AGPAT5: variants seen among roughly 807,000 people sequenced by gnomAD.
The protein encoded by AGPAT5 is 1-acyl-sn-glycerol-3-phosphate acyltransferase epsilon.
AGPAT5 carries 46 observed loss-of-function variants against 45.6 expected under a neutral mutation model. That is an observed-to-expected ratio of 1.01 (90% CI 0.80 to 1.29). The LOEUF (loss-of-function observed/expected upper bound fraction) is 1.29, where lower values mean the gene tolerates loss of function less well. Among genes scored for constraint, AGPAT5 ranks in the 50% most tolerant of loss-of-function variants. The probability of loss-of-function intolerance (pLI) is 0.00; values close to 1 mark genes in which losing one functional copy is unlikely to be tolerated. For synonymous variants in AGPAT5, 272 were observed against 167.0 expected (o/e 1.63, Z -4.85); for missense variants, 673 against 450.7 (o/e 1.49, Z -4.47).
chr8:6,750,524 A>G (rs1801623723), intron 6 of AGPAT5, among the ~76,000 whole-genome samples: 1 of 152,190 alleles, frequency 6.6e-6, no homozygotes, highest in Admixed American at 6.5e-5. Flanking sequence ...TAAAATCAAG[A>G]CTGAAAGACA....
intron 4 of AGPAT5, among the ~76,000 whole-genome samples, chr8:6,740,918 A>G (rs1233010759): frequency 2.6e-5 from 4 of 152,166 alleles, no homozygotes; most frequent in East Asian, 1.9e-4. Context: ...TTGGCTGTCA[A>G]TCAAAGTTAT....
In AGPAT5 at chr8:6,747,811, A is replaced by C; in HGVS notation, c.728A>C (p.Glu243Ala). The stretch of plus-strand genomic sequence containing the variant: ...AAAGACGATGGAGGGCAGCGAAGAG[A>C]GTCACCGACCATGACGGGTAAGTGT... ...EGKDDGGQRRESPTMTEFLCK... is the reference protein window; with the variant it reads ...EGKDDGGQRRASPTMTEFLCK... Residue 243 changes from glutamate (E) to alanine (A), a missense_variant, in exon 6 of 8, where the codon GAG becomes GCG. Glu to Ala is a moderately radical substitution (Grantham distance 107). Coordinates refer to ENST00000285518, the MANE Select transcript of AGPAT5 (RefSeq NM_018361.5). 1 of 1,614,186 alleles carries C rather than the reference A, an allele frequency of 6.2e-7. No individual in the cohort carries two copies. The highest frequency in any genetic ancestry group is 8.5e-7 in the Non-Finnish European group (1 of 1,180,020).
At chr8:6,725,285 T>G (rs996347547) in intron 2 of AGPAT5, among the ~76,000 whole-genome samples, 1 of 152,218 alleles carries the variant, frequency 6.6e-6, no homozygotes, top group African/African-American at 2.4e-5. Context: ...GTGTATACAT[T>G]TTACATTTTT....
intron 6 of AGPAT5, among the ~76,000 whole-genome samples, chr8:6,748,142 G>A (rs188948507): frequency 1.2e-4 from 18 of 152,096 alleles, no homozygotes; most frequent in African/African-American, 3.9e-4. Flanking sequence ...GAGCACGCCC[G>A]GCAGTACTGA....
At chr8:6,742,063 T>C (rs1023776960) in intron 5 of AGPAT5, among the ~76,000 whole-genome samples, 2 of 152,134 alleles carry the variant, frequency 1.3e-5, no homozygotes, top group Non-Finnish European at 2.9e-5. Flanking sequence ...AGTGTATGGG[T>C]TATATGTAAT....
chr8:6,752,574 G>C (rs956489191), intron 6 of AGPAT5, among the ~76,000 whole-genome samples: 1 of 142,058 alleles, frequency 7.0e-6, no homozygotes, highest in Non-Finnish European at 1.5e-5. Context: ...AGCAAATGGG[G>C]CTTGGTTTTG....
At chr8:6,752,049 C>T (rs115119870) in intron 6 of AGPAT5, among the ~76,000 whole-genome samples, 3,598 of 152,146 alleles carry the variant, frequency 0.024, 141 homozygotes, top group African/African-American at 0.083. Context: ...CAGTGGTAGG[C>T]ACCTGTAATT....
chr8:6,741,839 TAC>T, intron 5 of AGPAT5, 88 bp downstream of exon 5: 1 of 1,063,558 alleles, frequency 9.4e-7, no homozygotes, highest in Non-Finnish European at 1.4e-6. Flanking sequence ...ACTTTTGTTT[TAC>T]AGTTGAAGGA....
At chr8:6,738,970 G>A (rs1282929767) in intron 4 of AGPAT5, among the ~76,000 whole-genome samples, 1 of 151,772 alleles carries the variant, frequency 6.6e-6, no homozygotes, top group Non-Finnish European at 1.5e-5. Flanking sequence ...TTAGTTCTAG[G>A]ATTTATTTAT....
chr8:6,758,553 C>G lies in AGPAT5; in HGVS notation c.*1165C>G, dbSNP rs1801922852. 1 of 152,330 alleles carries G rather than the reference C, an allele frequency of 6.6e-6. No individual in the cohort carries two copies. Among genetic ancestry groups the G allele is most frequent in the African/African-American group, 2.4e-5 (1 of 41,452 alleles). 9.4% of individuals were successfully genotyped at this position (152,330 alleles called of 1,614,324 possible). A position where few individuals can be genotyped will look rare whatever the true frequency, so the allele number is the denominator to read the frequency against. On this transcript the variant is annotated 3_prime_UTR_variant, in exon 8 of 8. Transcript: ENST00000285518. ...TGGGCTTCACCAGCTACTGCAGAGG[C>G]ATTTTGCATTTGTCTGTGTCAAGAA...
chr8:6,722,059 G>A (rs1800520968), intron 1 of AGPAT5, among the ~76,000 whole-genome samples: 1 of 152,098 alleles, frequency 6.6e-6, no homozygotes, highest in Non-Finnish European at 1.5e-5. Context: ...CTAGTCAAAG[G>A]AGAAGAGGAT....
At chr8:6,757,116 A>C (rs767591304) in intron 7 of AGPAT5, 47 bp from the exon 8 acceptor site, 1 of 1,439,908 alleles carries the variant, frequency 6.9e-7, no homozygotes, top group African/African-American at 1.4e-5. Flanking sequence ...TTTTGAATTG[A>C]AATACTGAAG....
At position 6,732,656 on chromosome 8, in the gene AGPAT5, A is replaced by G; in HGVS notation, c.495+6A>G. The G allele has an allele frequency of 1.3e-6, 2 of 1,580,676 alleles. No homozygotes were observed. The highest frequency in any genetic ancestry group is 1.7e-6 in the Non-Finnish European group (2 of 1,170,254). On this transcript the variant is annotated splice_donor_region_variant and intron_variant, in intron 4 of 7. Coordinates refer to ENST00000285518, the MANE Select transcript of AGPAT5 (RefSeq NM_018361.5). ...ACGTGGACGCAGGAACTCCAGTAAG[A>G]GCCTACCCGTTTTTATTTTTCTTAC...
intron 4 of AGPAT5, among the ~76,000 whole-genome samples, chr8:6,734,584 TG>T (rs1167166486): frequency 2.0e-5 from 3 of 152,244 alleles, no homozygotes; most frequent in African/African-American, 7.2e-5. Flanking sequence ...TTCCAACATC[TG>T]GGCCATATCT....
chr8:6,738,371 A>G (rs553483130), intron 4 of AGPAT5: 1 of 152,362 alleles, frequency 6.6e-6, no homozygotes, highest in Non-Finnish European at 1.5e-5. Context: ...AGAACAGGCC[A>G]TCATTGGAGC....
In AGPAT5 at chr8:6,757,440, G is replaced by A. The variant is rs775672688; in HGVS notation, c.*52G>A. ...ATGTGCTACATTGTCTATTTTTGGC[G>A]GCTGCACATGACATCAAATTGTTTC... On this transcript the variant is annotated 3_prime_UTR_variant, in exon 8 of 8. Coordinates refer to ENST00000285518, the MANE Select transcript of AGPAT5 (RefSeq NM_018361.5). 1.8e-5 allele frequency: 25 copies of A among 1,407,224 alleles called. No individual in the cohort carries two copies. The highest frequency in any genetic ancestry group is 1.4e-4 in the African/African-American group (10 of 70,390). 87.2% of individuals were successfully genotyped at this position (1,407,224 alleles called of 1,614,324 possible). A position where few individuals can be genotyped will look rare whatever the true frequency, so the allele number is the denominator to read the frequency against.
chr8:6,714,799 A>C (rs1279674303), intron 1 of AGPAT5, among the ~76,000 whole-genome samples: 2 of 152,208 alleles, frequency 1.3e-5, no homozygotes, highest in Non-Finnish European at 2.9e-5. Context: ...ACCTATGGGG[A>C]TACCTCTGTG....
chr8:6,735,689 GT>G (rs1801027076), intron 4 of AGPAT5, among the ~76,000 whole-genome samples: 1 of 151,864 alleles, frequency 6.6e-6, no homozygotes, highest in Non-Finnish European at 1.5e-5. Flanking sequence ...TGTCAGTGTT[GT>G]TGTTGTTGTA....
rs746441349 is a variant in AGPAT5 at position 6,730,708 on chromosome 8, C to T, written c.290-3C>T. 1.2e-6 allele frequency: 2 copies of T among 1,605,348 alleles called. No individual in the cohort carries two copies. The highest frequency in any genetic ancestry group is 1.7e-6 in the Non-Finnish European group (2 of 1,172,740). The stretch of plus-strand genomic sequence containing the variant: ...ACGCGCTAACTGGGTCCTGTCTCTG[C>T]AGTTGACTGGATTGTTGCTGACATC... On this transcript the variant is annotated splice_polypyrimidine_tract_variant and splice_region_variant and intron_variant, in intron 2 of 7. Transcript: ENST00000285518.
Sources: gnomAD v4.1 joint callset for allele counts (sites outside exome capture counted in the v4.1 genomes callset) on GRCh38, gnomAD v4.1.1 for gene constraint, MANE v1.5 for transcripts, NCBI Gene and HGNC (gene_info 2026-07-23, HGNC 2026-07-21) for gene names.